Variants in DOCK2 observed in about 807,000 individuals in gnomAD.
DOCK2 encodes the protein dedicator of cytokinesis protein 2.
In DOCK2, 87 loss-of-function variants were observed where a neutral mutation model predicts 248.9. That is an observed-to-expected ratio of 0.35 (90% CI 0.29 to 0.42). The LOEUF is 0.42. DOCK2 is among the 10% of genes least tolerant of loss of function. The pLI, the probability that DOCK2 is intolerant of heterozygous loss-of-function variation, is 1.00. For synonymous variants in DOCK2, 805 were observed against 821.6 expected (o/e 0.98, Z 0.35); for missense variants, 1,747 against 2,300.2 (o/e 0.76, Z 4.92).
At chr5:169,705,787 A>T (rs573331133) in intron 14 of DOCK2, among the ~76,000 whole-genome samples, 10 of 152,286 alleles carry the variant, frequency 6.6e-5, no homozygotes, top group African/African-American at 2.2e-4. Flanking sequence ...GATTCCTACC[A>T]AGTAAACAGG....
At chr5:169,862,186 G>A (rs144552266) in intron 27 of DOCK2, among the ~76,000 whole-genome samples, 1 of 152,192 alleles carries the variant, frequency 6.6e-6, no homozygotes, top group African/African-American at 2.4e-5. Context: ...TTATAAAGTA[G>A]GAAAGCATAT....
rs554149968 is a variant in DOCK2 at position 169,974,241 on chromosome 5, A to G, written c.2800-8827A>G. 2.6e-5 allele frequency among the ~76,000 whole-genome samples: 4 copies of G among 152,360 alleles called. No individual in the cohort carries two copies. The East Asian group carries it at 7.7e-4, about 29-fold the overall frequency. On this transcript the variant is annotated intron_variant, in intron 27 of 51. Coordinates refer to ENST00000520908, the MANE Select transcript of DOCK2 (RefSeq NM_004946.3). ...ACATCTACTGAAAGTTTGGAGGATT[A>G]CATAAGATAAAGCTTACATAGTGAG...
intron 27 of DOCK2, among the ~76,000 whole-genome samples, chr5:169,976,409 G>A (rs1777719333): frequency 6.6e-6 from 1 of 152,168 alleles, no homozygotes; most frequent in Non-Finnish European, 1.5e-5. Context: ...TGAGATTACT[G>A]ACAGGATTCA....
intron 25 of DOCK2, among the ~76,000 whole-genome samples, chr5:169,784,080 G>A: frequency 6.6e-6 from 1 of 151,902 alleles, no homozygotes; most frequent in East Asian, 1.9e-4. Context: ...TATATATTTT[G>A]GGCAGTCAGG....
intron 27 of DOCK2, among the ~76,000 whole-genome samples, chr5:169,890,047 A>G (rs1773194531): frequency 1.3e-5 from 2 of 152,352 alleles, no homozygotes; most frequent in South Asian, 4.1e-4. Flanking sequence ...GGGAAGCATT[A>G]TCCCTGTTTT....
At chr5:169,886,466 C>T (rs770151378) in intron 27 of DOCK2, among the ~76,000 whole-genome samples, 34 of 152,224 alleles carry the variant, frequency 2.2e-4, no homozygotes, top group Middle Eastern at 3.2e-3. Flanking sequence ...CTTTCTGCAT[C>T]TTCCTCCTCA....
intron 27 of DOCK2, among the ~76,000 whole-genome samples, chr5:169,946,716 T>A (rs1446868945): frequency 6.6e-6 from 1 of 152,158 alleles, no homozygotes; most frequent in Non-Finnish European, 1.5e-5. Context: ...TAAACAAACC[T>A]AATAGAAAAA....
intron 27 of DOCK2, among the ~76,000 whole-genome samples, chr5:169,843,625 A>C (rs1046802252): frequency 1.3e-5 from 2 of 152,228 alleles, no homozygotes; most frequent in African/African-American, 4.8e-5. Flanking sequence ...GAGTTTTAGA[A>C]AATTTATAGT....
chr5:169,697,491 G>A (rs1760703520), intron 10 of DOCK2, among the ~76,000 whole-genome samples: 1 of 152,166 alleles, frequency 6.6e-6, no homozygotes, highest in Non-Finnish European at 1.5e-5. Context: ...CTCTGGGCAG[G>A]GAGAGATGAT....
chr5:170,043,007 G>T (rs1405396600), intron 38 of DOCK2, among the ~76,000 whole-genome samples: 1 of 152,214 alleles, frequency 6.6e-6, no homozygotes, highest in Non-Finnish European at 1.5e-5. Context: ...ATGACATGCA[G>T]TGTCATCCTT....
chr5:169,859,625 G>T (rs557851578), intron 27 of DOCK2, among the ~76,000 whole-genome samples: 1 of 152,254 alleles, frequency 6.6e-6, no homozygotes, highest in Non-Finnish European at 1.5e-5. Context: ...ATGAAGGTAA[G>T]AACGGGTTTC....
At chr5:170,064,352 A>T (rs1220895609) in intron 44 of DOCK2, among the ~76,000 whole-genome samples, 1 of 152,162 alleles carries the variant, frequency 6.6e-6, no homozygotes, top group East Asian at 1.9e-4. Context: ...GCTCATGAAG[A>T]TGCTCACCAA....
chr5:169,683,320 C>G (rs1424382721), intron 7 of DOCK2, among the ~76,000 whole-genome samples: 2 of 152,142 alleles, frequency 1.3e-5, no homozygotes, highest in East Asian at 3.8e-4. Flanking sequence ...GCTTCGACCC[C>G]CTGGGCTCAG....
intron 34 of DOCK2, among the ~76,000 whole-genome samples, chr5:170,030,376 T>C (rs138654106): frequency 6.6e-6 from 1 of 152,138 alleles, no homozygotes; most frequent in Non-Finnish European, 1.5e-5. Flanking sequence ...CTGTGCCTGC[T>C]CCATCCTTTC....
intron 26 of DOCK2, among the ~76,000 whole-genome samples, chr5:169,832,374 C>T (rs1163550843): frequency 6.6e-6 from 1 of 152,196 alleles, no homozygotes; most frequent in Non-Finnish European, 1.5e-5. Flanking sequence ...GAAAGCATTG[C>T]CCAAGTCCCG....
At chr5:169,754,917 T>TTCA in intron 23 of DOCK2, among the ~76,000 whole-genome samples, 1 of 143,012 alleles carries the variant, frequency 7.0e-6, no homozygotes, top group African/African-American at 2.6e-5. Context: ...GTTCCTATTT[T>TTCA]TTATTATTTA....
intron 26 of DOCK2, among the ~76,000 whole-genome samples, chr5:169,826,395 C>G (rs113767172): frequency 0.013 from 2,013 of 152,212 alleles, 22 homozygotes; most frequent in Middle Eastern, 0.048. Flanking sequence ...AAAACATGCT[C>G]TCATCTCTGG....
intron 27 of DOCK2, among the ~76,000 whole-genome samples, chr5:169,968,620 T>C (rs528986816): frequency 1.1e-4 from 16 of 152,366 alleles, no homozygotes; most frequent in African/African-American, 3.6e-4. Context: ...TTTTGATGAA[T>C]GATTGCAAAG....
chr5:169,901,430 T>C (rs1773917027), intron 27 of DOCK2, among the ~76,000 whole-genome samples: 1 of 152,090 alleles, frequency 6.6e-6, no homozygotes. Context: ...TGTGTGTGTG[T>C]GTGGGCATGC....
Sources: allele counts gnomAD v4.1 joint callset (sites outside exome capture counted in the v4.1 genomes callset), GRCh38; gene constraint gnomAD v4.1.1; transcripts MANE v1.5; gene names NCBI Gene and HGNC (gene_info 2026-07-23, HGNC 2026-07-21).